The following AATF variants were observed in gnomAD, a reference collection of about 807,000 sequenced individuals.
The protein encoded by AATF is protein AATF.
A neutral mutation model predicts 63.7 loss-of-function variants in AATF; 48 were observed. The observed-to-expected ratio is 0.75, with a 90% CI of 0.60 to 0.96. The LOEUF (loss-of-function observed/expected upper bound fraction) is 0.96. Among genes scored for constraint, AATF ranks in the 40% least tolerant of loss-of-function variants. The probability of loss-of-function intolerance (pLI) is 0.00; values close to 1 mark genes in which losing one functional copy is unlikely to be tolerated. For missense variants in AATF, 639 were observed against 685.7 expected (o/e 0.93, Z 0.76); for synonymous variants, 258 against 247.7 (o/e 1.04, Z -0.39).
chr17:37,041,583 G>GCAATGTCC (rs2071640492), intron 11 of AATF, among the ~76,000 whole-genome samples: 1 of 152,064 alleles, frequency 6.6e-6, no homozygotes, highest in Admixed American at 6.6e-5. Context: ...TCGGCTCACT[G>GCAATGTCC]CAATGTCCGC....
chr17:37,035,885 C>T (rs535206993), intron 11 of AATF, among the ~76,000 whole-genome samples: 1 of 152,218 alleles, frequency 6.6e-6, no homozygotes, highest in East Asian at 1.9e-4. Context: ...ATCCAAATGA[C>T]CCAAACTAAA....
chr17:37,008,536 C>T lies in AATF; in HGVS notation c.1399-10469C>T, dbSNP rs1381137784. ...AAACCTGTAACTGGTATTTGACAAGCCTATTTCATAGATAAAAGATATTTA... is the reference window on the plus strand; with the variant it reads ...AAACCTGTAACTGGTATTTGACAAGTCTATTTCATAGATAAAAGATATTTA... On this transcript the variant is annotated intron_variant, in intron 8 of 11. Transcript: ENST00000619387. Among the ~76,000 whole-genome samples the T allele has an allele frequency of 2.0e-5, 3 of 152,114 alleles. No individual in the cohort carries two copies. In the East Asian group the frequency reaches 5.8e-4, roughly 29 times the overall value.
chr17:37,046,090 A>G (rs1260818142), intron 11 of AATF: 1 of 152,150 alleles, frequency 6.6e-6, no homozygotes, highest in African/African-American at 2.4e-5. Flanking sequence ...TCATCAGAAA[A>G]TGTGGTATCG....
chr17:36,978,577 A>G (rs1022251097), intron 4 of AATF, among the ~76,000 whole-genome samples: 1 of 152,094 alleles, frequency 6.6e-6, no homozygotes, highest in Non-Finnish European at 1.5e-5. Flanking sequence ...GCTCACCAAC[A>G]AACTGGGACA....
At chr17:37,004,554 A>G (rs1213936959) in intron 8 of AATF, among the ~76,000 whole-genome samples, 8 of 152,138 alleles carry the variant, frequency 5.3e-5, no homozygotes, top group Non-Finnish European at 1.2e-4. Flanking sequence ...GTACACAAGT[A>G]GGGAGGGGTT....
At chr17:36,956,715 G>A (rs1274918608) in intron 4 of AATF, among the ~76,000 whole-genome samples, 4 of 151,782 alleles carry the variant, frequency 2.6e-5, no homozygotes, top group Admixed American at 6.6e-5. Context: ...GGTGGCTCCC[G>A]CTTATAATCC....
chr17:37,001,369 A>G (rs2071293251), intron 8 of AATF, among the ~76,000 whole-genome samples: 1 of 132,902 alleles, frequency 7.5e-6, no homozygotes. Flanking sequence ...AAAGAGAGAG[A>G]GGGGAGAGAG....
chr17:36,965,002 C>CT (rs1391528263), intron 4 of AATF, among the ~76,000 whole-genome samples: 1 of 152,148 alleles, frequency 6.6e-6, no homozygotes, highest in African/African-American at 2.4e-5. Context: ...AGTAAGTTAT[C>CT]TGAGTTCTTG....
intron 4 of AATF, among the ~76,000 whole-genome samples, chr17:36,978,920 T>C (rs1468984216): frequency 6.6e-6 from 1 of 151,976 alleles, no homozygotes; most frequent in Non-Finnish European, 1.5e-5. Context: ...GCCTAAATGT[T>C]AAGGCTTATT....
rs763695386 is a variant in AATF, at chr17:36,989,403, G to A, written c.1306G>A (p.Gly436Arg). The A allele has an allele frequency of 2.5e-6, 4 of 1,611,922 alleles. No homozygotes were observed. The highest frequency in any genetic ancestry group is 1.3e-5 in the African/African-American group (1 of 74,886). Residue 436 changes from glycine to arginine, a missense_variant, in exon 7 of 12, where the codon GGG becomes AGG. By Grantham distance (125) the Gly-to-Arg change is moderately radical. Coordinates refer to ENST00000619387, the MANE Select transcript of AATF (RefSeq NM_012138.4). ...TCAGCCTGTCCCAGAGAGTTTGCCA[G>A]GGGAACCGGTAAGAACTCTGTAATG... The part of the protein sequence containing the change: ...AAQPVPESLP[G>R]EPEILPQAPA...
chr17:37,013,168 T>C (rs1423161665), intron 8 of AATF, among the ~76,000 whole-genome samples: 2 of 152,164 alleles, frequency 1.3e-5, no homozygotes, highest in Non-Finnish European at 2.9e-5. Context: ...AGGGTCTGAA[T>C]AGACATTTCT....
rs574653079 is a variant in AATF, at chr17:36,989,499, A to G, written c.1314+88A>G. On this transcript the variant is annotated intron_variant, in intron 7 of 11. Coordinates refer to ENST00000619387, the MANE Select transcript of AATF (RefSeq NM_012138.4). Reference sequence around the variant, plus strand: ...AAACTTGTAGCTATTACCTGTTTATATAAGAGGTTAGTGAGAGAAAGGAAA... The same window carrying G: ...AAACTTGTAGCTATTACCTGTTTATGTAAGAGGTTAGTGAGAGAAAGGAAA... 9 of 1,315,336 alleles carry G rather than the reference A, an allele frequency of 6.8e-6. No homozygotes were observed. The South Asian group carries it at 9.5e-5, about 14-fold the overall frequency. The allele number at this position is 1,315,336 out of a possible 1,614,324, so 81.5% of individuals were successfully genotyped here. A position where few individuals can be genotyped will look rare whatever the true frequency, so the allele number is the denominator to read the frequency against.
intron 4 of AATF, among the ~76,000 whole-genome samples, chr17:36,961,959 G>A (rs1215407035): frequency 6.6e-6 from 1 of 152,166 alleles, no homozygotes; most frequent in Non-Finnish European, 1.5e-5. Context: ...ACAGGCGTGA[G>A]CCACGGTGCT....
chr17:36,968,468 G>T (rs577970052), intron 4 of AATF, among the ~76,000 whole-genome samples: 1 of 150,466 alleles, frequency 6.6e-6, no homozygotes, highest in Non-Finnish European at 1.5e-5. Context: ...TAGAGATGAG[G>T]TTTTGCTGTG....
intron 8 of AATF, among the ~76,000 whole-genome samples, chr17:36,993,619 A>G (rs1369315227): frequency 2.6e-5 from 4 of 152,176 alleles, no homozygotes; most frequent in East Asian, 3.8e-4. Flanking sequence ...GGTTCAATAT[A>G]TTACAATGGG....
intron 4 of AATF, among the ~76,000 whole-genome samples, chr17:36,964,686 T>TC (rs2070976899): frequency 1.3e-5 from 2 of 152,304 alleles, no homozygotes; most frequent in African/African-American, 4.8e-5. Flanking sequence ...TTAGTTGCTC[T>TC]CCATTACCTG....
chr17:36,963,826 C>T (rs1283859615), intron 4 of AATF, among the ~76,000 whole-genome samples: 1 of 152,114 alleles, frequency 6.6e-6, no homozygotes, highest in Non-Finnish European at 1.5e-5. Flanking sequence ...GCATCCTTGA[C>T]CTTGATGGAG....
intron 10 of AATF, among the ~76,000 whole-genome samples, chr17:37,022,806 A>G (rs761059513): frequency 5.3e-5 from 8 of 152,196 alleles, no homozygotes; most frequent in Non-Finnish European, 1.0e-4. Flanking sequence ...TAAGCACTGT[A>G]CAAGTGTTTG....
At chr17:36,960,730 G>T (rs1296038106) in intron 4 of AATF, among the ~76,000 whole-genome samples, 1 of 152,126 alleles carries the variant, frequency 6.6e-6, no homozygotes, top group Non-Finnish European at 1.5e-5. Context: ...TTTAAGTATT[G>T]CTTGGGATAA....
Sources: allele counts gnomAD v4.1 joint callset (sites outside exome capture counted in the v4.1 genomes callset), GRCh38; gene constraint gnomAD v4.1.1; transcripts MANE v1.5; gene names NCBI Gene and HGNC (gene_info 2026-07-23, HGNC 2026-07-21).